Variants in GRM1 observed in about 807,000 individuals in gnomAD.
The protein encoded by GRM1 is metabotropic glutamate receptor 1.
In GRM1, 33 loss-of-function variants were observed where a neutral mutation model predicts 90.9. That is an observed-to-expected ratio of 0.36 (90% CI 0.28 to 0.49). The LOEUF (loss-of-function observed/expected upper bound fraction) is 0.49, where lower values mean the gene tolerates loss of function less well. Ranked by LOEUF, GRM1 falls within the 20% of genes least tolerant of loss-of-function variation. The pLI is 0.99. For synonymous variants in GRM1, 700 were observed against 613.2 expected, an observed-to-expected ratio of 1.14 and a Z score of -2.09; for missense variants, 1,190 against 1,534.3, an observed-to-expected ratio of 0.78 and a Z score of 3.75.
chr6:146,332,606 A>G (rs1314227484), intron 3 of GRM1, among the ~76,000 whole-genome samples: 2 of 152,198 alleles, frequency 1.3e-5, no homozygotes, highest in Non-Finnish European at 2.9e-5. Flanking sequence ...GAATTTGCCC[A>G]CTTGAATAAT....
chr6:146,337,086 T>A (rs544711849), intron 3 of GRM1, among the ~76,000 whole-genome samples: 2 of 152,338 alleles, frequency 1.3e-5, no homozygotes, highest in South Asian at 4.1e-4. Context: ...AGGGCACCAT[T>A]ATCATCATGT....
At chr6:146,275,859 C>T (rs1476112234) in intron 2 of GRM1, among the ~76,000 whole-genome samples, 1 of 152,044 alleles carries the variant, frequency 6.6e-6, no homozygotes, top group Non-Finnish European at 1.5e-5. Context: ...AAAAATTATT[C>T]TGCATTGTGG....
At chr6:146,254,796 C>A (rs1781426521) in intron 2 of GRM1, among the ~76,000 whole-genome samples, 2 of 152,108 alleles carry the variant, frequency 1.3e-5, no homozygotes, top group South Asian at 4.1e-4. Context: ...CAAATATTAG[C>A]AAACTGTAAA....
intron 5 of GRM1, among the ~76,000 whole-genome samples, chr6:146,367,722 T>G (rs770361770): frequency 6.6e-6 from 1 of 152,196 alleles, no homozygotes; most frequent in Admixed American, 6.5e-5. Flanking sequence ...TCCAGCTGCA[T>G]CTGTGTTGCT....
chr6:146,351,252 T>C (rs961842017), intron 3 of GRM1, among the ~76,000 whole-genome samples: 3 of 152,170 alleles, frequency 2.0e-5, no homozygotes, highest in Non-Finnish European at 4.4e-5. Context: ...TCCCACCTTC[T>C]AGTACTTCAA....
chr6:146,062,686 C>T (rs1775716310), intron 1 of GRM1, among the ~76,000 whole-genome samples: 1 of 151,248 alleles, frequency 6.6e-6, no homozygotes, highest in Admixed American at 6.6e-5. Flanking sequence ...CAGGTTTCTC[C>T]ACTTCATCAT....
chr6:146,316,373 A>G (rs2300617), intron 3 of GRM1, among the ~76,000 whole-genome samples: 36,066 of 152,176 alleles, frequency 0.24, 9,148 homozygotes, highest in African/African-American at 0.64. Context: ...CTCAAGGGAC[A>G]ATTAGTCACA....
chr6:146,075,691 G>A (rs1776161352), intron 1 of GRM1, among the ~76,000 whole-genome samples: 2 of 152,158 alleles, frequency 1.3e-5, no homozygotes, highest in Non-Finnish European at 1.5e-5. Context: ...AAATAAAGGT[G>A]TCAGCAGGGC....
intron 4 of GRM1, among the ~76,000 whole-genome samples, chr6:146,355,467 G>A (rs1785550451): frequency 6.6e-6 from 1 of 152,168 alleles, no homozygotes. Context: ...CATTCTAAGT[G>A]CATTTTGTTT....
rs370605788 is a variant in GRM1 at position 146,345,030 on chromosome 6, CAA to C, written c.1187-7218_1187-7217del. On this transcript the variant is annotated intron_variant, in intron 3 of 7. Coordinates refer to ENST00000282753, the MANE Select transcript of GRM1 (RefSeq NM_001278064.2). Reference sequence around the variant, plus strand: ...TTCTCCTTGTTGGTCAGGCTGGTCTCAAACTCTTGATCTCAGGTGATCCACCC... The same window carrying C: ...TTCTCCTTGTTGGTCAGGCTGGTCTCACTCTTGATCTCAGGTGATCCACCC... Among the ~76,000 whole-genome samples the C allele has an allele frequency of 1.1e-3, 165 of 152,282 alleles. 1 individual carries two copies. The highest frequency in any genetic ancestry group is 3.7e-3 in the African/African-American group (152 of 41,552).
At chr6:146,129,289 A>G (rs1195809480) in intron 1 of GRM1, among the ~76,000 whole-genome samples, 1 of 152,194 alleles carries the variant, frequency 6.6e-6, no homozygotes, top group Non-Finnish European at 1.5e-5. Context: ...CAGCCTCCAG[A>G]AGCAGTGACT....
intron 2 of GRM1, among the ~76,000 whole-genome samples, chr6:146,197,108 C>G (rs1272939502): frequency 6.6e-6 from 1 of 152,126 alleles, no homozygotes; most frequent in African/African-American, 2.4e-5. Context: ...ACAGGAGATA[C>G]TTTGTGGAGG....
intron 3 of GRM1, among the ~76,000 whole-genome samples, chr6:146,345,697 G>A (rs1785164742): frequency 6.6e-6 from 1 of 151,832 alleles, no homozygotes; most frequent in Non-Finnish European, 1.5e-5. Flanking sequence ...AATAGAGGTG[G>A]TGCTATGAGC....
chr6:146,380,330 C>T (rs1172752441), intron 5 of GRM1, among the ~76,000 whole-genome samples: 1 of 152,076 alleles, frequency 6.6e-6, no homozygotes, highest in Non-Finnish European at 1.5e-5. Context: ...AAGATGCAGT[C>T]CTTCACACAC....
At chr6:146,300,031 A>G (rs985310676) in intron 2 of GRM1, among the ~76,000 whole-genome samples, 2 of 152,242 alleles carry the variant, frequency 1.3e-5, no homozygotes, top group African/African-American at 2.4e-5. Context: ...AACATTGTAA[A>G]TAAAAGAATG....
rs761843107 is a variant in GRM1 at position 146,159,431 on chromosome 6, T to C, written c.784T>C (p.Tyr262His). Reference sequence around the variant, plus strand: ...CTGTATCGCCCATTCTGACAAAATCTACAGCAACGCTGGGGAGAAGAGCTT... The same window carrying C: ...CTGTATCGCCCATTCTGACAAAATCCACAGCAACGCTGGGGAGAAGAGCTT... ...GLCIAHSDKI[Y>H]SNAGEKSFDR... Residue 262 changes from tyrosine (Y) to histidine (H), a missense_variant, in exon 2 of 8, where the codon TAC becomes CAC. Tyr to His is a moderately conservative substitution (Grantham distance 83). Around this residue, in one of 10 missense-constraint regions of GRM1, gnomAD observed 45 missense variants for 45.5 expected, o/e 0.99. Transcript: ENST00000282753. 1.2e-6 allele frequency: 2 copies of C among 1,614,070 alleles called. No individual in the cohort carries two copies. Among genetic ancestry groups the C allele is most frequent in the Non-Finnish European group, 1.7e-6 (2 of 1,180,026 alleles).
intron 2 of GRM1, among the ~76,000 whole-genome samples, chr6:146,186,679 GT>G (rs1283191222): frequency 1.3e-5 from 2 of 152,070 alleles, no homozygotes; most frequent in South Asian, 2.1e-4. Context: ...ACAGATCATA[GT>G]TTTTTTTGTT....
chr6:146,394,243 A>C (rs1221747575), intron 6 of GRM1, among the ~76,000 whole-genome samples: 1 of 152,130 alleles, frequency 6.6e-6, no homozygotes, highest in Non-Finnish European at 1.5e-5. Context: ...ATGTCCACCA[A>C]CAGTAGCTTA....
At chr6:146,231,940 G>A (rs948377828) in intron 2 of GRM1, among the ~76,000 whole-genome samples, 16 of 151,982 alleles carry the variant, frequency 1.1e-4, no homozygotes, top group African/African-American at 3.6e-4. Flanking sequence ...AAGTGAATCA[G>A]GGAGTGCTGT....
Sources: allele counts gnomAD v4.1 joint callset (sites outside exome capture counted in the v4.1 genomes callset), GRCh38; gene constraint gnomAD v4.1.1; regional missense constraint gnomAD v4.1.1; transcripts MANE v1.5; gene names NCBI Gene and HGNC (gene_info 2026-07-23, HGNC 2026-07-21).